The following DMD variants were observed in gnomAD, a reference collection of about 807,000 sequenced individuals.
DMD encodes mutant dystrophin.
A neutral mutation model predicts 330.1 loss-of-function variants in DMD; 63 were observed. The observed-to-expected ratio is 0.19, with a 90% CI of 0.16 to 0.24. DMD has a LOEUF of 0.24. Ranked by LOEUF, DMD falls within the 10% of genes least tolerant of loss-of-function variation. The probability of loss-of-function intolerance (pLI) is 1.00; values close to 1 mark genes in which losing one functional copy is unlikely to be tolerated. For missense variants in DMD, 3,344 were observed against 2,684.1 expected, an observed-to-expected ratio of 1.25 and a Z score of -5.43; for synonymous variants, 1,223 against 959.8, an observed-to-expected ratio of 1.27 and a Z score of -5.07.
At chrX:32,017,920 C>A (rs937843903) in intron 44 of DMD, among the ~76,000 whole-genome samples, 3 of 111,499 alleles carry the variant, frequency 2.7e-5, no homozygotes, top group African/African-American at 9.8e-5. Flanking sequence ...TAATGCCATG[C>A]TTTTTTCCCC....
chrX:32,350,540 T>C (rs774041634), intron 37 of DMD, among the ~76,000 whole-genome samples: 62 of 111,564 alleles, frequency 5.6e-4, no homozygotes, highest in Non-Finnish European at 9.5e-4. Context: ...GTCAATTGAC[T>C]TGCTATGATC....
intron 41 of DMD, among the ~76,000 whole-genome samples, chrX:32,336,013 TAACGTGTATATATAACGTTATATA>T (rs1325078596): frequency 2.1e-5 from 2 of 95,350 alleles, no homozygotes; most frequent in East Asian, 6.3e-4. Flanking sequence ...ACGTTATATA[TAACGTGTATATATAACGTTATATA>T]TAACGTGTAT....
intron 9 of DMD, among the ~76,000 whole-genome samples, chrX:32,665,158 A>G (rs1365106400): frequency 8.9e-6 from 1 of 112,223 alleles, no homozygotes; most frequent in African/African-American, 3.2e-5. Context: ...TCATAACCCA[A>G]CCAACATATA....
intron 4 of DMD, among the ~76,000 whole-genome samples, chrX:32,836,575 T>A (rs2148930765): frequency 9.0e-6 from 1 of 111,459 alleles, no homozygotes; most frequent in South Asian, 3.7e-4. Context: ...TTAAAGCATT[T>A]TTGTAACATT....
rs1318362479 is a variant in DMD at position 31,198,341 on chromosome X, C to CCTGAAACG, written c.9807+5612_9807+5619dup. Among the ~76,000 whole-genome samples, 3 of 111,659 alleles carry CCTGAAACG rather than the reference C, an allele frequency of 2.7e-5. No individual in the cohort carries two copies. The Admixed American group carries it at 2.9e-4, about 11-fold the overall frequency. On this transcript the variant is annotated intron_variant, in intron 67 of 78. Coordinates refer to ENST00000357033, the MANE Select transcript of DMD (RefSeq NM_004006.3). ...GCAAGTGATCCTCCCACCTCAGCCT[C>CCTGAAACG]CTGAAACGCTGGTCCTACAGGTGCG... is the stretch of plus-strand genomic sequence containing the variant.
At position 31,737,888 on chromosome X, in the gene DMD, T is replaced by A. The variant is rs944477310; in HGVS notation, c.7543-8140A>T. ...GGAAAGACAGACATGAACAAAGGCATGAACGTAAAATAAAGCCTCAAATGG... is the reference window on the plus strand; with the variant it reads ...GGAAAGACAGACATGAACAAAGGCAAGAACGTAAAATAAAGCCTCAAATGG... On this transcript the variant is annotated intron_variant, in intron 51 of 78. Coordinates refer to ENST00000357033, the MANE Select transcript of DMD (RefSeq NM_004006.3). 2.7e-5 allele frequency among the ~76,000 whole-genome samples: 3 copies of A among 111,348 alleles called. No homozygotes were observed. In the Admixed American group the frequency reaches 2.9e-4, roughly 11 times the overall value.
intron 7 of DMD, among the ~76,000 whole-genome samples, chrX:32,736,951 A>G (rs1005600538): frequency 6.1e-4 from 68 of 111,452 alleles, no homozygotes; most frequent in African/African-American, 2.2e-3. Flanking sequence ...ATTTCAGCAA[A>G]CCAAAATGTT....
chrX:32,040,253 C>T (rs1255307835), intron 44 of DMD, among the ~76,000 whole-genome samples: 3 of 110,716 alleles, frequency 2.7e-5, no homozygotes, highest in Admixed American at 9.6e-5. Context: ...TGTGTGTAAG[C>T]GTGTGTGTGT....
chrX:32,787,013 G>A (rs963397206), intron 7 of DMD, among the ~76,000 whole-genome samples: 1 of 111,577 alleles, frequency 9.0e-6, no homozygotes, highest in African/African-American at 3.3e-5. Context: ...CTGAGAGTCT[G>A]GGAACCAATT....
intron 18 of DMD, 147 bp downstream of exon 18, chrX:32,517,861 C>T (rs932499736): frequency 1.5e-6 from 1 of 657,802 alleles, no homozygotes; most frequent in Non-Finnish European, 2.4e-6. Flanking sequence ...ATTTTGCTTG[C>T]TATCTAAAAT....
At chrX:31,686,847 G>T (rs1258064331) in intron 52 of DMD, among the ~76,000 whole-genome samples, 2 of 112,124 alleles carry the variant, frequency 1.8e-5, no homozygotes, top group Non-Finnish European at 3.8e-5. Context: ...ATGGCTAAGG[G>T]AGTGGTTGCA....
intron 2 of DMD, among the ~76,000 whole-genome samples, chrX:32,955,326 G>C (rs768147033): frequency 5.4e-5 from 6 of 111,026 alleles, no homozygotes; most frequent in African/African-American, 2.0e-4. Context: ...CTTGTTGGCC[G>C]CATGTATGTC....
chrX:32,182,904 T>G (rs375730121), intron 44 of DMD, among the ~76,000 whole-genome samples: 14 of 111,717 alleles, frequency 1.3e-4, no homozygotes, highest in East Asian at 8.4e-4. Context: ...TTGTGTAGCT[T>G]TCTTCCCAGT....
chrX:32,946,259 C>CA (rs1673265920), intron 2 of DMD, among the ~76,000 whole-genome samples: 1 of 111,180 alleles, frequency 9.0e-6, no homozygotes, highest in African/African-American at 3.3e-5. Flanking sequence ...CAGAAGTTTT[C>CA]ATGTGTATTT....
rs139904958 is a variant in DMD, at chrX:32,073,081, G to A, written c.6439-104567C>T. On this transcript the variant is annotated intron_variant, in intron 44 of 78. Transcript: ENST00000357033. ...TGCTAAATTCGTATGTTGCAAAAAC[G>A]TACTTACTACTTCACTTAGCCTTTA... Among the ~76,000 whole-genome samples, 403 of 111,853 alleles carry A rather than the reference G, an allele frequency of 3.6e-3. 12 individuals carry two copies. The East Asian group carries it at 0.045, about 12-fold the overall frequency.
At chrX:32,989,886 T>C (rs1458544953) in intron 2 of DMD, among the ~76,000 whole-genome samples, 2 of 111,898 alleles carry the variant, frequency 1.8e-5, no homozygotes, top group African/African-American at 6.5e-5. Flanking sequence ...TTTTCTTAGC[T>C]GTAGGGCCAG....
At chrX:32,686,007 C>G (rs1474034005) in intron 9 of DMD, among the ~76,000 whole-genome samples, 1 of 109,645 alleles carries the variant, frequency 9.1e-6, no homozygotes, top group East Asian at 2.8e-4. Flanking sequence ...AGGGGGTAAA[C>G]TCTTAGTGAA....
chrX:31,201,589 G>A (rs992352141), intron 67 of DMD, among the ~76,000 whole-genome samples: 1 of 112,017 alleles, frequency 8.9e-6, no homozygotes, highest in Non-Finnish European at 1.9e-5. Context: ...GGCAGAAATG[G>A]AATAGGTTGG....
At chrX:31,191,524 C>T (rs1056668062) in intron 67 of DMD, among the ~76,000 whole-genome samples, 1 of 105,643 alleles carries the variant, frequency 9.5e-6, no homozygotes. Context: ...GTCTTTCCTG[C>T]GCCGTTCTCG....
Sources: allele counts gnomAD v4.1 joint callset (sites outside exome capture counted in the v4.1 genomes callset), GRCh38; gene constraint gnomAD v4.1.1; transcripts MANE v1.5; gene names NCBI Gene and HGNC (gene_info 2026-07-23, HGNC 2026-07-21).